Variants in ZNF124 observed in about 807,000 individuals in gnomAD.
The protein encoded by ZNF124 is zinc finger protein 124, also known as zinc finger protein HZF-16.
In ZNF124, 25 loss-of-function variants were observed where a neutral mutation model predicts 26.6. The observed-to-expected ratio is 0.94, with a 90% CI of 0.68 to 1.31. The LOEUF (loss-of-function observed/expected upper bound fraction) is 1.31. Ranked by LOEUF, ZNF124 falls within the 40% of genes most tolerant of loss-of-function variation. ZNF124 has a pLI of 0.00. For missense variants in ZNF124, 444 were observed against 422.2 expected (o/e 1.05, Z -0.45); for synonymous variants, 129 against 133.3 (o/e 0.97, Z 0.22).
At chr1:247,135,942 A>G (rs1248990287) in intron 3 of ZNF124, among the ~76,000 whole-genome samples, 1 of 152,238 alleles carries the variant, frequency 6.6e-6, no homozygotes, top group Admixed American at 6.5e-5. Context: ...GATTCTCTCA[A>G]TATATGAAGT....
intron 3 of ZNF124, among the ~76,000 whole-genome samples, chr1:247,143,905 C>T (rs547810240): frequency 6.6e-6 from 1 of 152,152 alleles, no homozygotes; most frequent in South Asian, 2.1e-4. Flanking sequence ...CATCTACCCC[C>T]GTAGCCTCAG....
intron 3 of ZNF124, among the ~76,000 whole-genome samples, chr1:247,140,613 C>T (rs1430187238): frequency 6.6e-6 from 1 of 152,194 alleles, no homozygotes; most frequent in Non-Finnish European, 1.5e-5. Flanking sequence ...CCTGTAACTG[C>T]AGTGTAGATT....
intron 1 of ZNF124, among the ~76,000 whole-genome samples, chr1:247,163,148 G>T (rs1260314666): frequency 1.3e-5 from 2 of 152,056 alleles, no homozygotes; most frequent in African/African-American, 2.4e-5. Context: ...CACAGCTAAG[G>T]CAGTGTTAAG....
intron 1 of ZNF124, among the ~76,000 whole-genome samples, chr1:247,160,289 T>G (rs528407440): frequency 5.9e-5 from 9 of 152,208 alleles, no homozygotes; most frequent in Non-Finnish European, 1.2e-4. Context: ...CAGCCAGCAG[T>G]TCTTATGCTA....
intron 1 of ZNF124, among the ~76,000 whole-genome samples, chr1:247,167,495 G>T (rs1673847437): frequency 6.6e-6 from 1 of 152,198 alleles, no homozygotes; most frequent in East Asian, 1.9e-4. Flanking sequence ...AAGGAAGAGA[G>T]ATTTTTCCTA....
intron 1 of ZNF124, among the ~76,000 whole-genome samples, chr1:247,164,682 T>C (rs1239488504): frequency 2.0e-5 from 3 of 152,136 alleles, no homozygotes; most frequent in African/African-American, 4.8e-5. Flanking sequence ...ATTGCTAAAA[T>C]GGTCCAACTA....
At chr1:247,149,603 G>A (rs1034755902) in intron 3 of ZNF124, among the ~76,000 whole-genome samples, 2 of 152,196 alleles carry the variant, frequency 1.3e-5, no homozygotes, top group African/African-American at 4.8e-5. Context: ...AATGTTATAT[G>A]ATCTTACTTA....
At chr1:247,151,347 C>T (rs992435644), downstream of ZNF124, among the ~76,000 whole-genome samples, 12 of 151,928 alleles carry the variant, frequency 7.9e-5, no homozygotes, top group East Asian at 7.7e-4. Flanking sequence ...GGCGTGGTGG[C>T]GGGCGCCTGT....
chr1:247,157,131 G>C lies in ZNF124; in HGVS notation c.491C>G (p.Ser164Cys). The change falls in exon 4 of 4, where the codon TCT becomes TGT. Residue 164 changes from serine to cysteine, a missense_variant. Ser to Cys is a moderately radical substitution (Grantham distance 112). Coordinates refer to ENST00000543802, the MANE Select transcript of ZNF124 (RefSeq NM_001297568.2). ...ECGKALGFSR[S>C]LNRHKRIHTG... ...GTGAATCCTTTTATGTCTATTAAGA[G>C]AACGGGAAAAACCTAAGGCTTTCCC... 6.2e-7 allele frequency: 1 copy of C among 1,613,980 alleles called. No individual in the cohort carries two copies. Among genetic ancestry groups the C allele is most frequent in the Non-Finnish European group, 8.5e-7 (1 of 1,179,984 alleles).
chr1:247,164,589 G>GA (rs146494922), intron 1 of ZNF124, among the ~76,000 whole-genome samples: 9,198 of 145,260 alleles, frequency 0.063, 363 homozygotes, highest in African/African-American at 0.11. Context: ...ATGCTGCTGG[G>GA]AAAAAAAAAA....
intron 3 of ZNF124, among the ~76,000 whole-genome samples, chr1:247,135,333 A>T (rs946116741): frequency 5.3e-5 from 8 of 152,200 alleles, no homozygotes; most frequent in African/African-American, 1.4e-4. Context: ...AAAAGATACA[A>T]TAAAAAATGA....
chr1:247,159,611 A>AATC, intron 2 of ZNF124, 76 bp downstream of exon 2: 1 of 1,504,678 alleles, frequency 6.6e-7, no homozygotes, highest in South Asian at 1.2e-5. Context: ...GTACATTCCA[A>AATC]ATCATGGAAT....
At chr1:247,164,166 T>C (rs987163536) in intron 1 of ZNF124, among the ~76,000 whole-genome samples, 4 of 152,204 alleles carry the variant, frequency 2.6e-5, no homozygotes, top group Admixed American at 6.5e-5. Context: ...GAGCTATCTA[T>C]GAAAAACCCA....
downstream of ZNF124, among the ~76,000 whole-genome samples, chr1:247,151,492 A>AC (rs1482042396): frequency 6.6e-6 from 1 of 152,068 alleles, no homozygotes; most frequent in Non-Finnish European, 1.5e-5. Context: ...AAAAAAAAAA[A>AC]AAACCATGTG....
rs1426222361 is a variant in ZNF124 at position 247,159,794 on chromosome 1, T to A, written c.50A>T (p.Asp17Val). The A allele has an allele frequency of 6.2e-7, 1 of 1,612,580 alleles. No individual in the cohort carries two copies. Residue 17 changes from aspartate to valine, a missense_variant, in exon 2 of 4, where the codon GAT (aspartate) becomes GTT (valine). Asp to Val is a radical substitution (Grantham distance 152). Transcript: ENST00000543802. ...CTCCTGGGTGAAGTTCACAGCCACA[T>A]CCTCAAAGGCAACCGAGTTCTAAAA... ...SWEMNSVAFE[D>V]VAVNFTQEEW...
chr1:247,166,867 C>G (rs1673808055), intron 1 of ZNF124, among the ~76,000 whole-genome samples: 1 of 152,192 alleles, frequency 6.6e-6, no homozygotes, highest in Non-Finnish European at 1.5e-5. Flanking sequence ...CCATATTTAG[C>G]ATCATACTAA....
At chr1:247,132,787 T>G (rs1225351960) in intron 3 of ZNF124, among the ~76,000 whole-genome samples, 1 of 152,178 alleles carries the variant, frequency 6.6e-6, no homozygotes, top group African/African-American at 2.4e-5. Context: ...TCCGTTCTGA[T>G]TACCAGTGCA....
At chr1:247,142,304 G>A (rs1672649187) in intron 3 of ZNF124, among the ~76,000 whole-genome samples, 1 of 152,158 alleles carries the variant, frequency 6.6e-6, no homozygotes, top group Admixed American at 6.5e-5. Context: ...TGTGGTGGTT[G>A]TAGAAAAGGA....
At chr1:247,124,496 C>T (rs1229194958) in intron 3 of ZNF124, among the ~76,000 whole-genome samples, 5 of 152,322 alleles carry the variant, frequency 3.3e-5, no homozygotes, top group South Asian at 2.1e-4. Context: ...CCACCACGCC[C>T]GGCTCTGATT....
Sources: gnomAD v4.1 joint callset for allele counts (sites outside exome capture counted in the v4.1 genomes callset) on GRCh38, gnomAD v4.1.1 for gene constraint, MANE v1.5 for transcripts, NCBI Gene and HGNC (gene_info 2026-07-23, HGNC 2026-07-21) for gene names.